The following PARD3B variants were observed in gnomAD, a reference collection of about 807,000 sequenced individuals.
PARD3B encodes partitioning defective 3 homolog B.
A neutral mutation model predicts 130.2 loss-of-function variants in PARD3B; 103 were observed. The ratio of observed to expected loss-of-function variants is 0.79; its 90% CI spans 0.67 to 0.93. The LOEUF (loss-of-function observed/expected upper bound fraction) is 0.93. PARD3B is among the 40% of genes least tolerant of loss of function. The pLI, the probability that PARD3B is intolerant of heterozygous loss-of-function variation, is 0.00. For synonymous variants in PARD3B, 583 were observed against 553.2 expected, an observed-to-expected ratio of 1.05 and a Z score of -0.76; for missense variants, 1,609 against 1,499.2, an observed-to-expected ratio of 1.07 and a Z score of -1.21.
chr2:204,594,100 T>C (rs2033187950), intron 1 of PARD3B, among the ~76,000 whole-genome samples: 1 of 152,182 alleles, frequency 6.6e-6, no homozygotes, highest in African/African-American at 2.4e-5. Context: ...GATTAAATAA[T>C]TGCAGTAAAG....
chr2:205,507,324 C>T (rs1234186921), intron 21 of PARD3B, among the ~76,000 whole-genome samples: 1 of 146,074 alleles, frequency 6.8e-6, no homozygotes, highest in Non-Finnish European at 1.5e-5. Flanking sequence ...ACGGCATTCT[C>T]CTGCCTCAGC....
Position 205,163,421 on chromosome 2 carries a change from A to T in PARD3B, c.1620+4514A>T, listed in dbSNP as rs375371335. Among the ~76,000 whole-genome samples the T allele has an allele frequency of 1.1e-4, 16 of 152,348 alleles. No individual in the cohort carries two copies. In the East Asian group the frequency reaches 2.3e-3, roughly 22 times the overall value. On this transcript the variant is annotated intron_variant, in intron 11 of 22. Coordinates refer to ENST00000406610, the MANE Select transcript of PARD3B (RefSeq NM_001302769.2). ...GCCTGACATGGCTAATTGTAAATGT[A>T]TGCACTCAGAATATGAAATAGACAT...
At position 205,428,630 on chromosome 2, in the gene PARD3B, T is replaced by C. The variant is rs1162433396; in HGVS notation, c.2742-11740T>C. 2.6e-5 allele frequency among the ~76,000 whole-genome samples: 4 copies of C among 152,260 alleles called. No homozygotes were observed. In the East Asian group the frequency reaches 5.8e-4, roughly 22 times the overall value. On this transcript the variant is annotated intron_variant, in intron 19 of 22. Coordinates refer to ENST00000406610, the MANE Select transcript of PARD3B (RefSeq NM_001302769.2). ...TGGGACTAAGACAATAATATTGATA[T>C]TATCATTTTAAAACTATATGATAAA...
rs1574521937 is a variant in PARD3B at position 205,257,332 on chromosome 2, T to A, written c.2185+11510T>A. On this transcript the variant is annotated intron_variant, in intron 16 of 22. Transcript: ENST00000406610. ...AAACACTTTTATTAGCCAATCAGTT[T>A]TTTTTTTAAACCAAGCAAACCAAAC... Among the ~76,000 whole-genome samples, 2 of 152,062 alleles carry A rather than the reference T, an allele frequency of 1.3e-5. 1 individual carries two copies. The highest frequency in any genetic ancestry group is 4.8e-5 in the African/African-American group (2 of 41,482).
intron 2 of PARD3B, among the ~76,000 whole-genome samples, chr2:204,699,540 G>T (rs777657504): frequency 2.4e-4 from 36 of 152,074 alleles, no homozygotes; most frequent in Middle Eastern, 3.2e-3. Flanking sequence ...GGATTTGTAA[G>T]AACACTGTAG....
intron 3 of PARD3B, among the ~76,000 whole-genome samples, chr2:204,978,106 T>C (rs1049435811): frequency 2.0e-5 from 3 of 152,132 alleles, no homozygotes; most frequent in Non-Finnish European, 4.4e-5. Context: ...GAAAATGGTC[T>C]TCAGAAGGCA....
rs886453397 is a variant in PARD3B at position 205,461,371 on chromosome 2, G to A, written c.3044+20699G>A. Among the ~76,000 whole-genome samples, 12 of 152,180 alleles carry A rather than the reference G, an allele frequency of 7.9e-5. No homozygotes were observed. Among genetic ancestry groups the A allele is most frequent in the African/African-American group, 2.7e-4 (11 of 41,448 alleles). ...ACACCAAGCAAGAGGATAAAGAGCA[G>A]AGGCTTAGTAAATGGATGAGTCAGT... is the stretch of plus-strand genomic sequence containing the variant. On this transcript the variant is annotated intron_variant, in intron 20 of 22. Transcript: ENST00000406610. The surrounding 1 kb of genome is among the most constrained non-coding windows in gnomAD (Gnocchi z 4.3).
At chr2:204,626,706 A>G (rs1051995986) in intron 1 of PARD3B, among the ~76,000 whole-genome samples, 7 of 152,196 alleles carry the variant, frequency 4.6e-5, no homozygotes, top group Non-Finnish European at 7.3e-5. Context: ...GATAAATACA[A>G]TTGAACTTTT....
intron 4 of PARD3B, among the ~76,000 whole-genome samples, chr2:205,093,310 G>T (rs1361894833): frequency 2.6e-5 from 4 of 152,130 alleles, no homozygotes; most frequent in Admixed American, 1.3e-4. Context: ...CCTGTGCTAA[G>T]TGACAGGGAT....
intron 18 of PARD3B, among the ~76,000 whole-genome samples, chr2:205,322,398 A>G (rs759467322): frequency 1.3e-5 from 2 of 152,180 alleles, no homozygotes; most frequent in African/African-American, 4.8e-5. Context: ...ACAGTAATAC[A>G]GGTTAGGTGT....
intron 2 of PARD3B, among the ~76,000 whole-genome samples, chr2:204,816,809 C>A (rs1245223135): frequency 6.6e-6 from 1 of 151,816 alleles, no homozygotes; most frequent in Admixed American, 6.6e-5. Context: ...AACATTTTTT[C>A]ATTACTTTTA....
At chr2:205,543,986 T>C (rs2052279229) in intron 21 of PARD3B, among the ~76,000 whole-genome samples, 1 of 152,204 alleles carries the variant, frequency 6.6e-6, no homozygotes, top group South Asian at 2.1e-4. Context: ...TAGTATATCA[T>C]TTAAGAATTG....
chr2:204,869,747 GA>G lies in PARD3B; in HGVS notation c.223-95396del, dbSNP rs1001554038. On this transcript the variant is annotated intron_variant, in intron 2 of 22. Coordinates refer to ENST00000406610, the MANE Select transcript of PARD3B (RefSeq NM_001302769.2). Reference sequence around the variant, plus strand: ...TAGGATCAAAGAATACTGAAAACAGGAAAAAAAAATGTGGGTATTCAGTCTC... The same window carrying G: ...TAGGATCAAAGAATACTGAAAACAGGAAAAAAAATGTGGGTATTCAGTCTC... Among the ~76,000 whole-genome samples the G allele has an allele frequency of 3.2e-3, 482 of 150,662 alleles. 1 individual carries two copies. Among genetic ancestry groups the G allele is most frequent in the African/African-American group, 0.011 (435 of 41,104 alleles).
At position 204,907,446 on chromosome 2, in the gene PARD3B, A is replaced by G. The variant is rs2047076747; in HGVS notation, c.223-57706A>G. ...TATGTGATAAAATTCCTCTGGAGGAAAATTCCCAATGCAGCTAATTTCTCT... is the reference window on the plus strand; with the variant it reads ...TATGTGATAAAATTCCTCTGGAGGAGAATTCCCAATGCAGCTAATTTCTCT... On this transcript the variant is annotated intron_variant, in intron 2 of 22. Coordinates refer to ENST00000406610, the MANE Select transcript of PARD3B (RefSeq NM_001302769.2). The surrounding 1 kb of genome is among the most constrained non-coding windows in gnomAD (Gnocchi z 5.7). Among the ~76,000 whole-genome samples the G allele has an allele frequency of 6.6e-6, 1 of 152,192 alleles. No homozygotes were observed. Among genetic ancestry groups the G allele is most frequent in the Non-Finnish European group, 1.5e-5 (1 of 68,030 alleles).
intron 3 of PARD3B, among the ~76,000 whole-genome samples, chr2:205,003,829 T>TA (rs968927127): frequency 2.0e-5 from 3 of 152,208 alleles, no homozygotes; most frequent in African/African-American, 7.2e-5. Context: ...TGTTTTTTAA[T>TA]AAACATAATT....
At chr2:204,984,033 ATATC>A (rs1040341032) in intron 3 of PARD3B, among the ~76,000 whole-genome samples, 2 of 152,058 alleles carry the variant, frequency 1.3e-5, no homozygotes, top group African/African-American at 4.8e-5. Flanking sequence ...CATCTGTTTT[ATATC>A]TATCTAATTC....
intron 2 of PARD3B, among the ~76,000 whole-genome samples, chr2:204,731,636 A>G (rs1276971962): frequency 6.6e-6 from 1 of 152,192 alleles, no homozygotes; most frequent in Non-Finnish European, 1.5e-5. Context: ...TGGAGACCTT[A>G]TTAATAGAAT....
At chr2:204,941,766 A>G (rs1283367578) in intron 2 of PARD3B, among the ~76,000 whole-genome samples, 1 of 152,084 alleles carries the variant, frequency 6.6e-6, no homozygotes, top group African/African-American at 2.4e-5. Context: ...TGAAGAAATA[A>G]TTTGTGTTTC....
At chr2:205,377,183 T>C (rs1357085467) in intron 18 of PARD3B, among the ~76,000 whole-genome samples, 2 of 152,120 alleles carry the variant, frequency 1.3e-5, no homozygotes, top group Non-Finnish European at 2.9e-5. Flanking sequence ...GGAAAGGATT[T>C]AGTGAAAGGA....
Sources: gnomAD v4.1 joint callset for allele counts (sites outside exome capture counted in the v4.1 genomes callset) on GRCh38, gnomAD v4.1.1 for gene constraint, Gnocchi (gnomAD v3.1) non-coding constraint, MANE v1.5 for transcripts, NCBI Gene and HGNC (gene_info 2026-07-23, HGNC 2026-07-21) for gene names.